The following DTD1 variants were observed in gnomAD, a reference collection of about 807,000 sequenced individuals.
DTD1 encodes the protein D-aminoacyl-tRNA deacylase 1.
A neutral mutation model predicts 25.6 loss-of-function variants in DTD1; 13 were observed. The ratio of observed to expected loss-of-function variants is 0.51; its 90% CI spans 0.33 to 0.81. The LOEUF is 0.81. Among genes scored for constraint, DTD1 ranks in the 30% least tolerant of loss-of-function variants. DTD1 has a pLI of 0.02. For synonymous variants in DTD1, 110 were observed against 103.6 expected (o/e 1.06, Z -0.37); for missense variants, 193 against 266.4 (o/e 0.72, Z 1.92).
intron 5 of DTD1, among the ~76,000 whole-genome samples, chr20:18,756,891 C>T (rs2122537548): frequency 6.6e-6 from 1 of 151,182 alleles, no homozygotes; most frequent in East Asian, 1.9e-4. Context: ...ATTGATTCTT[C>T]CTACCCATGA....
chr20:18,629,580 G>GGTGTGAACTACC (rs1555796756), intron 4 of DTD1, among the ~76,000 whole-genome samples: 1 of 152,024 alleles, frequency 6.6e-6, no homozygotes, highest in Non-Finnish European at 1.5e-5. Context: ...TGAGATTACA[G>GGTGTGAACTACC]GCAAGAGTCA....
At chr20:18,708,313 ATATATATTAT>A (rs1282941752) in intron 4 of DTD1, among the ~76,000 whole-genome samples, 5,872 of 55,108 alleles carry the variant, frequency 0.11, 568 homozygotes, top group Non-Finnish European at 0.15. Flanking sequence ...TATATTTTAT[ATATATATTAT>A]ATATATATAT....
At chr20:18,708,931 T>C (rs2061147227) in intron 4 of DTD1, among the ~76,000 whole-genome samples, 1 of 152,152 alleles carries the variant, frequency 6.6e-6, no homozygotes, top group African/African-American at 2.4e-5. Context: ...GTAAAAGCGA[T>C]GGGTTTGCAG....
intron 4 of DTD1, among the ~76,000 whole-genome samples, chr20:18,728,795 T>C (rs2061231014): frequency 6.6e-6 from 1 of 152,184 alleles, no homozygotes; most frequent in African/African-American, 2.4e-5. Context: ...CCTGGGTCTG[T>C]CTGGTGGTAG....
At chr20:18,608,601 TC>T (rs2060672751) in intron 3 of DTD1, among the ~76,000 whole-genome samples, 1 of 152,254 alleles carries the variant, frequency 6.6e-6, no homozygotes, top group African/African-American at 2.4e-5. Flanking sequence ...GTTTCTCTTT[TC>T]CCCACTTTTG....
chr20:18,693,521 G>A (rs2061056921), intron 4 of DTD1, among the ~76,000 whole-genome samples: 6 of 151,954 alleles, frequency 3.9e-5, no homozygotes, highest in Admixed American at 3.9e-4. Context: ...GCTGGGTTTG[G>A]TGGCACATGC....
At chr20:18,657,074 C>T (rs1024994226) in intron 4 of DTD1, among the ~76,000 whole-genome samples, 2 of 152,108 alleles carry the variant, frequency 1.3e-5, no homozygotes, top group African/African-American at 2.4e-5. Flanking sequence ...TGATACAACA[C>T]TAATCCACAG....
At chr20:18,750,409 T>C (rs991422724) in intron 5 of DTD1, among the ~76,000 whole-genome samples, 2 of 152,190 alleles carry the variant, frequency 1.3e-5, no homozygotes, top group African/African-American at 4.8e-5. Flanking sequence ...TCATTTGCTT[T>C]TCTTTAAATA....
chr20:18,682,308 T>G (rs1323831799), intron 4 of DTD1, among the ~76,000 whole-genome samples: 1 of 152,214 alleles, frequency 6.6e-6, no homozygotes, highest in African/African-American at 2.4e-5. Context: ...GACCATGTGA[T>G]GAGAGATTTC....
intron 4 of DTD1, among the ~76,000 whole-genome samples, chr20:18,685,837 G>A (rs2061014520): frequency 6.6e-6 from 1 of 152,238 alleles, no homozygotes; most frequent in Admixed American, 6.5e-5. Flanking sequence ...GGAGAAGGGA[G>A]AAAGCCAGGC....
At chr20:18,622,918 C>T (rs1359950387) in intron 3 of DTD1, among the ~76,000 whole-genome samples, 3 of 144,868 alleles carry the variant, frequency 2.1e-5, no homozygotes, top group African/African-American at 7.6e-5. Flanking sequence ...GATTTTCCAA[C>T]TTATTAGAAG....
At chr20:18,718,069 G>A (rs188432866) in intron 4 of DTD1, among the ~76,000 whole-genome samples, 2 of 152,316 alleles carry the variant, frequency 1.3e-5, no homozygotes, top group East Asian at 1.9e-4. Flanking sequence ...TTTAGGTTCA[G>A]TTTAAGATTA....
chr20:18,719,223 C>CTGTG (rs1330643620), intron 4 of DTD1, among the ~76,000 whole-genome samples: 2 of 149,258 alleles, frequency 1.3e-5, no homozygotes, highest in Non-Finnish European at 3.0e-5. Flanking sequence ...GTGTATATTT[C>CTGTG]TGTGTGTGTG....
intron 3 of DTD1, among the ~76,000 whole-genome samples, chr20:18,618,477 C>T (rs182563635): frequency 5.3e-5 from 8 of 151,388 alleles, no homozygotes; most frequent in Non-Finnish European, 1.2e-4. Flanking sequence ...ACCTCAGCCT[C>T]CTGAGTAGCT....
chr20:18,727,111 A>G (rs1356338464), intron 4 of DTD1, among the ~76,000 whole-genome samples: 1 of 152,196 alleles, frequency 6.6e-6, no homozygotes, highest in East Asian at 1.9e-4. Context: ...CAGCTGTAGT[A>G]CCTGGGACTT....
chr20:18,747,951 G>A (rs1452294054), intron 5 of DTD1, among the ~76,000 whole-genome samples: 1 of 152,106 alleles, frequency 6.6e-6, no homozygotes, highest in Non-Finnish European at 1.5e-5. Flanking sequence ...CCCAGGAGGT[G>A]GAGGTTGCAG....
chr20:18,613,940 G>T (rs2060698748), intron 3 of DTD1, among the ~76,000 whole-genome samples: 1 of 152,048 alleles, frequency 6.6e-6, no homozygotes, highest in African/African-American at 2.4e-5. Flanking sequence ...ATTTAAATTG[G>T]AAACACCCCC....
chr20:18,721,102 G>A (rs571874523), intron 4 of DTD1, among the ~76,000 whole-genome samples: 3 of 152,256 alleles, frequency 2.0e-5, no homozygotes, highest in South Asian at 2.1e-4. Context: ...CTGCACTGTC[G>A]AGTACTTTAG....
chr20:18,588,670 A>T, intron 1 of DTD1: 1 of 948,900 alleles, frequency 1.1e-6, no homozygotes, highest in African/African-American at 1.8e-5. Flanking sequence ...AGGCTGGATG[A>T]GGGGCGCCCC....
Sources: allele counts gnomAD v4.1 joint callset (sites outside exome capture counted in the v4.1 genomes callset), GRCh38; gene constraint gnomAD v4.1.1; transcripts MANE v1.5; gene names NCBI Gene and HGNC (gene_info 2026-07-23, HGNC 2026-07-21).